The following CEP112 variants were observed in gnomAD, a reference collection of about 807,000 sequenced individuals.
The protein encoded by CEP112 is centrosomal protein 112.
Under a neutral mutation model 153.0 loss-of-function variants are expected in CEP112, and 127 were observed. The observed-to-expected ratio is 0.83, with a 90% CI of 0.72 to 0.96. CEP112 has a LOEUF of 0.96. CEP112 is among the 40% of genes least tolerant of loss of function. The pLI, the probability that CEP112 is intolerant of heterozygous loss-of-function variation, is 0.00. For missense variants in CEP112, 1,089 were observed against 1,101.2 expected (o/e 0.99, Z 0.16); for synonymous variants, 358 against 374.4 (o/e 0.96, Z 0.51).
At chr17:65,639,071 T>C (rs2044948204) in intron 25 of CEP112, among the ~76,000 whole-genome samples, 1 of 152,156 alleles carries the variant, frequency 6.6e-6, no homozygotes, top group South Asian at 2.1e-4. Flanking sequence ...CCACTACTTA[T>C]TTTTATATGC....
intron 17 of CEP112, among the ~76,000 whole-genome samples, chr17:66,002,479 A>C (rs1195597144): frequency 2.0e-5 from 3 of 152,164 alleles, no homozygotes; most frequent in African/African-American, 7.2e-5. Flanking sequence ...AAGGTGAAGA[A>C]AGACAGCTTG....
chr17:65,954,251 G>A (rs1584041), intron 18 of CEP112, among the ~76,000 whole-genome samples: 72,609 of 151,584 alleles, frequency 0.48, 18,334 homozygotes, highest in East Asian at 0.89. Flanking sequence ...AGAAAAACAA[G>A]AACAATCACT....
chr17:66,189,874 A>G (rs1440231731), intron 1 of CEP112, among the ~76,000 whole-genome samples: 2 of 151,956 alleles, frequency 1.3e-5, no homozygotes, highest in Non-Finnish European at 2.9e-5. Context: ...CTACAAAAAA[A>G]TACAAAAATT....
At chr17:66,149,005 T>G (rs1266680651) in intron 4 of CEP112, among the ~76,000 whole-genome samples, 1 of 152,210 alleles carries the variant, frequency 6.6e-6, no homozygotes, top group Admixed American at 6.5e-5. Flanking sequence ...AATTTCCTTA[T>G]CTTCCCAATT....
chr17:66,140,977 A>G (rs745872294), intron 4 of CEP112, among the ~76,000 whole-genome samples: 1 of 151,956 alleles, frequency 6.6e-6, no homozygotes, highest in Non-Finnish European at 1.5e-5. Flanking sequence ...TCTTTTCAGT[A>G]TAATCTTGAT....
At chr17:65,857,880 G>A (rs556620230) in intron 20 of CEP112, among the ~76,000 whole-genome samples, 6 of 152,134 alleles carry the variant, frequency 3.9e-5, no homozygotes, top group Non-Finnish European at 8.8e-5. Flanking sequence ...GCTTGATATT[G>A]TATATCTGGA....
At chr17:66,070,373 C>G (rs2067267263) in intron 8 of CEP112, among the ~76,000 whole-genome samples, 1 of 152,090 alleles carries the variant, frequency 6.6e-6, no homozygotes, top group South Asian at 2.1e-4. Flanking sequence ...TTCAGTAAGT[C>G]TCTTCCAACC....
chr17:65,938,349 C>T (rs1017680131), intron 18 of CEP112, among the ~76,000 whole-genome samples: 2 of 142,188 alleles, frequency 1.4e-5, no homozygotes, highest in African/African-American at 5.2e-5. Flanking sequence ...TGCTGACCTT[C>T]CCTCCACTAT....
chr17:65,902,889 C>T (rs544462075), intron 19 of CEP112, among the ~76,000 whole-genome samples: 9 of 152,248 alleles, frequency 5.9e-5, no homozygotes, highest in Non-Finnish European at 1.3e-4. Context: ...CAGAAGGGCA[C>T]CTGCTGTGCT....
At chr17:65,914,146 AGATG>A (rs2060386736) in intron 19 of CEP112, among the ~76,000 whole-genome samples, 1 of 151,914 alleles carries the variant, frequency 6.6e-6, no homozygotes, top group African/African-American at 2.4e-5. Context: ...AACTCCATAT[AGATG>A]GAGTTCAAAA....
intron 19 of CEP112, among the ~76,000 whole-genome samples, chr17:65,916,966 AC>A (rs2060517299): frequency 6.6e-6 from 1 of 152,170 alleles, no homozygotes; most frequent in African/African-American, 2.4e-5. Context: ...ATTGCCTTTC[AC>A]TAAATATCAG....
At chr17:66,168,242 A>T (rs1255571979) in intron 4 of CEP112, among the ~76,000 whole-genome samples, 1 of 152,110 alleles carries the variant, frequency 6.6e-6, no homozygotes, top group Non-Finnish European at 1.5e-5. Flanking sequence ...TGTGGTACCC[A>T]GAAAGATTCC....
chr17:65,900,066 T>C (rs1034192993), intron 20 of CEP112, among the ~76,000 whole-genome samples: 1 of 152,188 alleles, frequency 6.6e-6, no homozygotes, highest in East Asian at 1.9e-4. Flanking sequence ...GAAGGAAACT[T>C]TGAATTAATA....
At chr17:65,652,666 C>T (rs771959210) in intron 24 of CEP112, among the ~76,000 whole-genome samples, 5 of 152,012 alleles carry the variant, frequency 3.3e-5, no homozygotes, top group African/African-American at 4.8e-5. Flanking sequence ...TTTTTAGTAT[C>T]TGTGGATTGA....
At chr17:66,150,792 A>C (rs2071175871) in intron 4 of CEP112, among the ~76,000 whole-genome samples, 1 of 152,198 alleles carries the variant, frequency 6.6e-6, no homozygotes, top group South Asian at 2.1e-4. Context: ...AGGAATAATA[A>C]ATGCAATAAT....
chr17:65,651,952 CT>C (rs2045804541), intron 24 of CEP112, among the ~76,000 whole-genome samples: 1 of 152,206 alleles, frequency 6.6e-6, no homozygotes, highest in Non-Finnish European at 1.5e-5. Context: ...ATCCGCCTGC[CT>C]TGGCCTCCCA....
At chr17:65,918,313 C>T (rs2143996495) in intron 19 of CEP112, among the ~76,000 whole-genome samples, 1 of 152,256 alleles carries the variant, frequency 6.6e-6, no homozygotes, top group South Asian at 2.1e-4. Flanking sequence ...TTTAAATATC[C>T]CAACTGACCT....
At chr17:65,722,463 G>A (rs2144870219) in intron 23 of CEP112, among the ~76,000 whole-genome samples, 1 of 152,228 alleles carries the variant, frequency 6.6e-6, no homozygotes, top group East Asian at 1.9e-4. Flanking sequence ...TGGCCAGGTT[G>A]GTCTCGAACT....
At chr17:65,906,903 T>G (rs1016371463) in intron 19 of CEP112, among the ~76,000 whole-genome samples, 6 of 152,204 alleles carry the variant, frequency 3.9e-5, no homozygotes, top group African/African-American at 1.4e-4. Context: ...ACAAGGATCA[T>G]TATAATAAAA....
Sources: allele counts gnomAD v4.1 joint callset (sites outside exome capture counted in the v4.1 genomes callset), GRCh38; gene constraint gnomAD v4.1.1; transcripts MANE v1.5; gene names NCBI Gene and HGNC (gene_info 2026-07-23, HGNC 2026-07-21).